Variants in MAPK8 observed in about 807,000 individuals in gnomAD.
The protein encoded by MAPK8 is JUN N-terminal kinase.
Under a neutral mutation model 52.9 loss-of-function variants are expected in MAPK8, and 13 were observed. The observed-to-expected ratio is 0.25, with a 90% confidence interval of 0.16 to 0.39. The LOEUF (loss-of-function observed/expected upper bound fraction) is 0.39, where lower values mean the gene tolerates loss of function less well. Among genes scored for constraint, MAPK8 ranks in the 10% least tolerant of loss-of-function variants. MAPK8 has a pLI of 1.00. For synonymous variants in MAPK8, 191 were observed against 169.8 expected (o/e 1.12, Z -0.97); for missense variants, 300 against 519.2 (o/e 0.58, Z 4.10).
intron 1 of MAPK8, among the ~76,000 whole-genome samples, chr10:48,322,820 G>C (rs1008215263): frequency 2.0e-5 from 3 of 152,132 alleles, no homozygotes; most frequent in Admixed American, 6.5e-5. Flanking sequence ...CCCAGATCTT[G>C]GTCTTCATGC....
chr10:48,359,453 G>A (rs377595580), intron 1 of MAPK8, among the ~76,000 whole-genome samples: 1 of 152,058 alleles, frequency 6.6e-6, no homozygotes, highest in African/African-American at 2.4e-5. Context: ...TTCTTTGCAG[G>A]TCTTTTTCTC....
At chr10:48,401,851 G>C (rs1564585666) in intron 2 of MAPK8, 69 bp downstream of exon 2, 7 of 1,236,864 alleles carry the variant, frequency 5.7e-6, no homozygotes, top group Non-Finnish European at 7.4e-6. Flanking sequence ...TCGTAATTTA[G>C]ATACCTTGGC....
At chr10:48,399,088 G>T (rs377189079) in intron 1 of MAPK8, among the ~76,000 whole-genome samples, 201 of 152,150 alleles carry the variant, frequency 1.3e-3, no homozygotes, top group African/African-American at 4.6e-3. Context: ...TTGCTTAAAC[G>T]TCATGTTGTC....
Position 48,319,353 on chromosome 10 carries a change from CAT to C in MAPK8, c.-50+12533_-50+12534del, listed in dbSNP as rs1842775608. Among the ~76,000 whole-genome samples, 3 of 152,072 alleles carry C rather than the reference CAT, an allele frequency of 2.0e-5. No individual in the cohort carries two copies. In the South Asian group the frequency reaches 6.2e-4, roughly 32 times the overall value. ...CCATCATCACAGCCTAACTTTAGAA[CAT>C]GTTTGTCACCCCAGAAAGTAACCTC... On this transcript the variant is annotated intron_variant, in intron 1 of 11. Coordinates refer to ENST00000374189, the MANE Select transcript of MAPK8 (RefSeq NM_001323329.2).
chr10:48,393,627 G>A (rs2041741734), intron 1 of MAPK8, among the ~76,000 whole-genome samples: 1 of 152,020 alleles, frequency 6.6e-6, no homozygotes, highest in African/African-American at 2.4e-5. Context: ...CCTTGAAACA[G>A]GACCCCATGT....
chr10:48,425,949 G>GA lies in MAPK8; in HGVS notation c.753dup (p.Leu252ThrfsTer10). On this transcript the variant is annotated frameshift_variant, in exon 8 of 12. Transcript: ENST00000374189. LOFTEE classifies it high-confidence loss of function. ...GAACACCATGTCCTGAATTCATGAA[G>GA]AAACTGCAACCAACAGTAAGGACTT... 1.2e-6 allele frequency: 2 copies of GA among 1,612,572 alleles called. No individual in the cohort carries two copies. The highest frequency in any genetic ancestry group is 1.7e-6 in the Non-Finnish European group (2 of 1,179,070).
At chr10:48,323,183 C>T (rs1303196434) in intron 1 of MAPK8, among the ~76,000 whole-genome samples, 1 of 151,938 alleles carries the variant, frequency 6.6e-6, no homozygotes, top group African/African-American at 2.4e-5. Context: ...GATATTTTTG[C>T]AAAGTTTGGG....
chr10:48,307,945 A>G (rs558431372), intron 1 of MAPK8: 76 of 152,356 alleles, frequency 5.0e-4, no homozygotes, highest in Admixed American at 1.2e-3. Context: ...AGACAGTTAC[A>G]TAAGTGATGT....
At chr10:48,377,242 G>A (rs750399887) in intron 1 of MAPK8, among the ~76,000 whole-genome samples, 21 of 152,076 alleles carry the variant, frequency 1.4e-4, no homozygotes, top group Non-Finnish European at 2.9e-4. Context: ...ATAGCATTAG[G>A]AGAAATACCT....
intron 1 of MAPK8, among the ~76,000 whole-genome samples, chr10:48,318,300 T>C (rs1195576477): frequency 6.6e-6 from 1 of 152,214 alleles, no homozygotes; most frequent in East Asian, 1.9e-4. Context: ...TGACTGTTTG[T>C]AGATATTAAT....
At chr10:48,364,251 TTTCC>T (rs2132558103) in intron 1 of MAPK8, among the ~76,000 whole-genome samples, 1 of 152,278 alleles carries the variant, frequency 6.6e-6, no homozygotes, top group Non-Finnish European at 1.5e-5. Flanking sequence ...CGTTAATTCG[TTTCC>T]TTAAGTTTCC....
chr10:48,427,212 T>A, intron 10 of MAPK8, 69 bp downstream of exon 10: 2 of 1,166,684 alleles, frequency 1.7e-6, no homozygotes. Context: ...TGATTTATTA[T>A]CATGTTAGAG....
At chr10:48,318,062 C>T (rs188379248) in intron 1 of MAPK8, among the ~76,000 whole-genome samples, 9 of 149,448 alleles carry the variant, frequency 6.0e-5, no homozygotes, top group East Asian at 4.1e-4. Flanking sequence ...AACAGCAAAT[C>T]GGAGTTATAG....
chr10:48,309,913 A>T (rs1841808098), intron 1 of MAPK8, among the ~76,000 whole-genome samples: 1 of 152,212 alleles, frequency 6.6e-6, no homozygotes, highest in African/African-American at 2.4e-5. Flanking sequence ...ATAGCTTTAT[A>T]TATGAATCAT....
At chr10:48,398,631 A>G (rs2042007902) in intron 1 of MAPK8, among the ~76,000 whole-genome samples, 1 of 152,260 alleles carries the variant, frequency 6.6e-6, no homozygotes, top group Non-Finnish European at 1.5e-5. Context: ...AGCATCATTT[A>G]TAATAACCCT....
intron 1 of MAPK8, among the ~76,000 whole-genome samples, chr10:48,344,566 C>T (rs1845591721): frequency 1.3e-5 from 2 of 152,250 alleles, no homozygotes; most frequent in Admixed American, 6.5e-5. Flanking sequence ...TGTTTTCTTA[C>T]CAGGATCTCA....
intron 3 of MAPK8, among the ~76,000 whole-genome samples, chr10:48,405,680 T>C (rs922558655): frequency 1.3e-5 from 2 of 152,240 alleles, no homozygotes; most frequent in Non-Finnish European, 2.9e-5. Flanking sequence ...GTTGAGGAAA[T>C]AAACTAGGAG....
chr10:48,399,548 C>G (rs1191128710), intron 1 of MAPK8, among the ~76,000 whole-genome samples: 1 of 152,162 alleles, frequency 6.6e-6, no homozygotes, highest in African/African-American at 2.4e-5. Context: ...CCGGGCCACC[C>G]TGTTCTGAGA....
chr10:48,403,842 G>A (rs1024816207), intron 2 of MAPK8, among the ~76,000 whole-genome samples: 3 of 150,686 alleles, frequency 2.0e-5, no homozygotes, highest in East Asian at 4.0e-4. Flanking sequence ...TCCGCCTCCC[G>A]GGTTCACGCC....
Sources: gnomAD v4.1 joint callset for allele counts (sites outside exome capture counted in the v4.1 genomes callset) on GRCh38, gnomAD v4.1.1 for gene constraint, MANE v1.5 for transcripts, NCBI Gene and HGNC (gene_info 2026-07-23, HGNC 2026-07-21) for gene names.